Variants in ZP4 observed in about 807,000 individuals in gnomAD.
ZP4 encodes the protein zona pellucida glycoprotein 4.
ZP4 carries 62 observed loss-of-function variants against 62.3 expected under a neutral mutation model. The ratio of observed to expected loss-of-function variants is 0.99; its 90% CI spans 0.81 to 1.23. The LOEUF is 1.23. Among genes scored for constraint, ZP4 ranks in the 50% most tolerant of loss-of-function variants. The pLI is 0.00. For missense variants in ZP4, 774 were observed against 656.0 expected (o/e 1.18, Z -1.97); for synonymous variants, 289 against 247.3 (o/e 1.17, Z -1.58).
At chr1:237,887,615 A>G (rs1665137040) in intron 4 of ZP4, 54 bp from the exon 5 acceptor site, 3 of 1,542,486 alleles carry the variant, frequency 1.9e-6, no homozygotes, top group African/African-American at 2.7e-5. Flanking sequence ...TGTGGGGAGA[A>G]CCAGATGAAA....
chr1:237,889,744 G>A, intron 3 of ZP4, 123 bp downstream of exon 3: 1 of 874,452 alleles, frequency 1.1e-6, no homozygotes, highest in Non-Finnish European at 1.9e-6. Context: ...TGAGAGTTGG[G>A]ACATGATCCT....
Position 237,890,122 on chromosome 1 carries a change from A to G in ZP4, c.230T>C (p.Ile77Thr), listed in dbSNP as rs1427317890. 3.5e-5 allele frequency: 56 copies of G among 1,613,876 alleles called. No individual in the cohort carries two copies. The highest frequency in any genetic ancestry group is 4.6e-5 in the Non-Finnish European group (54 of 1,180,008). Residue 77 changes from isoleucine (I) to threonine (T), a missense_variant, in exon 2 of 12, where the codon ATA (isoleucine) becomes ACA (threonine). Transcript: ENST00000366570. Reference protein sequence around the residue: ...LQNDSDCGTWIRKGPGSSVVL... With the variant: ...LQNDSDCGTWTRKGPGSSVVL... The stretch of plus-strand genomic sequence containing the variant: ...CACGGAGCTGCCTGGACCTTTTCTT[A>G]TCCAGGTGCCACAGTCGGAGTCATT...
At chr1:237,890,368 T>C in intron 1 of ZP4, 93 bp downstream of exon 1, 1 of 1,511,066 alleles carries the variant, frequency 6.6e-7, no homozygotes, top group South Asian at 1.3e-5. Flanking sequence ...GCTCAGAAGG[T>C]GAAAGTATCA....
At chr1:237,883,065 C>A (rs1349654633) in intron 10 of ZP4, among the ~76,000 whole-genome samples, 1 of 152,206 alleles carries the variant, frequency 6.6e-6, no homozygotes, top group East Asian at 1.9e-4. Context: ...ATGTTAGAAA[C>A]TATCCCTGAA....
intron 9 of ZP4, 121 bp from the exon 10 acceptor site, chr1:237,884,968 A>G (rs1665060778): frequency 1.5e-5 from 18 of 1,239,328 alleles, no homozygotes; most frequent in Non-Finnish European, 1.7e-5. Flanking sequence ...GTCCAAGTTG[A>G]TATCACAATG....
intron 4 of ZP4, among the ~76,000 whole-genome samples, chr1:237,888,066 C>T (rs1257972348): frequency 6.6e-6 from 1 of 152,218 alleles, no homozygotes; most frequent in Non-Finnish European, 1.5e-5. Context: ...AATCCAAGAC[C>T]ATCAGCCAAA....
rs2636212 is a variant in ZP4 at position 237,889,818 on chromosome 1, A to G, written c.400+49T>C. 0.028 allele frequency: 42,039 copies of G among 1,506,488 alleles called. 5,712 individuals carry two copies. The African/African-American group carries it at 0.39, about 14-fold the overall frequency. 93.3% of individuals were successfully genotyped at this position (1,506,488 alleles called of 1,614,324 possible). The stretch of plus-strand genomic sequence containing the variant: ...CAGAGAGGACCAAGAGTACTTTCAC[A>G]CCCCACCCCCACCACCCCCACAAGA... On this transcript the variant is annotated intron_variant, in intron 3 of 11. Coordinates refer to ENST00000366570, the MANE Select transcript of ZP4 (RefSeq NM_021186.5).
At chr1:237,883,078 G>A (rs1664953886) in intron 10 of ZP4, among the ~76,000 whole-genome samples, 1 of 152,104 alleles carries the variant, frequency 6.6e-6, no homozygotes, top group South Asian at 2.1e-4. Context: ...TCCCTGAACT[G>A]CCATCCTTTT....
At chr1:237,885,720 A>G (rs1259773864) in intron 7 of ZP4, 36 bp downstream of exon 7, 17 of 1,611,020 alleles carry the variant, frequency 1.1e-5, no homozygotes, top group Non-Finnish European at 1.4e-5. Context: ...CTGGATTTAG[A>G]CTATAGGCCA....
intron 9 of ZP4, 147 bp from the exon 10 acceptor site, chr1:237,884,994 A>T (rs1004889650): frequency 6.7e-6 from 8 of 1,202,042 alleles, no homozygotes; most frequent in Admixed American, 2.2e-5. Context: ...AAGGAACTGG[A>T]GTCCAGTTGA....
intron 9 of ZP4, 77 bp from the exon 10 acceptor site, chr1:237,884,924 A>G: frequency 1.3e-6 from 2 of 1,488,772 alleles, no homozygotes; most frequent in African/African-American, 1.4e-5. Flanking sequence ...CCTCCCCAGG[A>G]AGAGGTTCAG....
At chr1:237,882,986 T>G (rs909968462) in intron 10 of ZP4, 140 bp from the exon 11 acceptor site, 1 of 593,492 alleles carries the variant, frequency 1.7e-6, no homozygotes, top group Admixed American at 3.0e-5. Context: ...TATATTAATA[T>G]GTACTTGAAC....
intron 10 of ZP4, 87 bp downstream of exon 10, chr1:237,884,682 T>G (rs745947416): frequency 1.3e-4 from 157 of 1,235,922 alleles, no homozygotes; most frequent in Non-Finnish European, 1.6e-4. Flanking sequence ...AATCTTCAGT[T>G]TGAGTTGTTT....
chr1:237,890,090 C>G lies in ZP4; in HGVS notation c.262G>C (p.Glu88Gln), dbSNP rs1234949298. The change falls in exon 2 of 12, where the codon GAG becomes CAG. Residue 88 changes from glutamate to glutamine, a missense_variant. Glu to Gln is a conservative substitution (Grantham distance 29, BLOSUM62 2). Coordinates refer to ENST00000366570, the MANE Select transcript of ZP4 (RefSeq NM_021186.5). ...ACATAGCAGCTGCTATAGGTTGCCT[C>G]CAACACCACGGAGCTGCCTGGACCT... is the stretch of plus-strand genomic sequence containing the variant. ...RKGPGSSVVL[E>Q]ATYSSCYVTE... 2 of 1,614,134 alleles carry G rather than the reference C, an allele frequency of 1.2e-6. No individual in the cohort carries two copies. The highest frequency in any genetic ancestry group is 1.7e-6 in the Non-Finnish European group (2 of 1,180,030).
Position 237,884,833 on chromosome 1 carries a change from G to A in ZP4, c.1326C>T (p.Cys442=). 6.2e-7 allele frequency: 1 copy of A among 1,613,370 alleles called. No individual in the cohort carries two copies. The highest frequency in any genetic ancestry group is 1.1e-5 in the South Asian group (1 of 90,780). ...QALRGPVHLH[C]SVSVCQPAET... is the part of the protein sequence containing the mutation. ...CAGCAGGCTGGCAGACTGACACGCT[G>A]CAGTGCAGATGCACCTGGGAGCCAA... The change falls in exon 10 of 12, where the codon TGC becomes TGT. Residue 442 remains cysteine, a synonymous_variant. Coordinates refer to ENST00000366570, the MANE Select transcript of ZP4 (RefSeq NM_021186.5).
In ZP4 at chr1:237,882,864, C is replaced by T; in HGVS notation, c.1391-18G>A. The T allele has an allele frequency of 6.2e-7, 1 of 1,603,668 alleles. No homozygotes were observed. Among genetic ancestry groups the T allele is most frequent in the Non-Finnish European group, 8.5e-7 (1 of 1,172,030 alleles). On this transcript the variant is annotated intron_variant, in intron 10 of 11. Coordinates refer to ENST00000366570, the MANE Select transcript of ZP4 (RefSeq NM_021186.5). The stretch of plus-strand genomic sequence containing the variant: ...TCTTCTTCCTGTTAGAGAAATGAGA[C>T]CTAGTAATTCATTAGTTTTTGCACA...
intron 3 of ZP4, among the ~76,000 whole-genome samples, chr1:237,888,915 C>T (rs996043261): frequency 2.6e-5 from 4 of 152,072 alleles, no homozygotes; most frequent in Admixed American, 6.6e-5. Context: ...GCCTATGATT[C>T]CTCATTTTAT....
intron 10 of ZP4, among the ~76,000 whole-genome samples, chr1:237,883,970 A>T (rs1665010704): frequency 6.8e-5 from 4 of 58,884 alleles, no homozygotes; most frequent in South Asian, 9.1e-4. Context: ...ACACACAAAC[A>T]CACACACACA....
In ZP4 at chr1:237,889,948, C is replaced by G. The variant is rs778634828; in HGVS notation, c.319G>C (p.Val107Leu). Residue 107 changes from valine (V) to leucine (L), a missense_variant, in exon 3 of 12, where the codon GTT becomes CTT. Val to Leu is a conservative substitution (Grantham distance 32). Coordinates refer to ENST00000366570, the MANE Select transcript of ZP4 (RefSeq NM_021186.5). ...TEWDSHYIMP[V>L]GVEGAGAAEH... ...GCCGCGCCTGCTCCTTCAACTCCAA[C>G]TGGCATGATGTAGTGGGAGTCCTGG... 6.2e-7 allele frequency: 1 copy of G among 1,614,094 alleles called. No homozygotes were observed. The highest frequency in any genetic ancestry group is 8.5e-7 in the Non-Finnish European group (1 of 1,180,008).
Sources: gnomAD v4.1 joint callset for allele counts (sites outside exome capture counted in the v4.1 genomes callset) on GRCh38, gnomAD v4.1.1 for gene constraint, MANE v1.5 for transcripts, NCBI Gene and HGNC (gene_info 2026-07-23, HGNC 2026-07-21) for gene names.